PLG: variants seen among roughly 807,000 people sequenced by gnomAD.
The protein encoded by PLG is plasminogen.
Under a neutral mutation model 104.4 loss-of-function variants are expected in PLG, and 41 were observed. That is an observed-to-expected ratio of 0.39 (90% CI 0.31 to 0.51). The LOEUF is 0.51. Ranked by LOEUF, PLG falls within the 20% of genes least tolerant of loss-of-function variation. The probability of loss-of-function intolerance (pLI) is 0.76; values close to 1 mark genes in which losing one functional copy is unlikely to be tolerated. For missense variants in PLG, 891 were observed against 1,003.6 expected (o/e 0.89, Z 1.52); for synonymous variants, 337 against 357.1 (o/e 0.94, Z 0.63).
rs554946329 is a variant in PLG at position 160,713,079 on chromosome 6, T to G, written c.501T>G (p.Thr167=). 4 of 1,609,934 alleles carry G rather than the reference T, an allele frequency of 2.5e-6. No individual in the cohort carries two copies. The East Asian group carries it at 8.9e-5, about 36-fold the overall frequency. The part of the protein sequence containing the change: ...NDPQGPWCYT[T]DPEKRYDYCD... ...CGCAGGGGCCCTGGTGCTATACTAC[T>G]GATCCAGAAAAGAGATATGACTACT... Residue 167 remains threonine, a synonymous_variant, in exon 5 of 19, where the codon ACT becomes ACG. Coordinates refer to ENST00000308192, the MANE Select transcript of PLG (RefSeq NM_000301.5).
chr6:160,727,247 C>G (rs1030681160), intron 10 of PLG, among the ~76,000 whole-genome samples: 5 of 151,252 alleles, frequency 3.3e-5, no homozygotes, highest in African/African-American at 1.2e-4. Flanking sequence ...GAATTTCTAA[C>G]CAATCTGATA....
chr6:160,737,401 G>C lies in PLG; in HGVS notation c.1802+394G>C, dbSNP rs1778101616. Among the ~76,000 whole-genome samples, 1 of 152,082 alleles carries C rather than the reference G, an allele frequency of 6.6e-6. No individual in the cohort carries two copies. Among genetic ancestry groups the C allele is most frequent in the African/African-American group, 2.4e-5 (1 of 41,414 alleles). ...ACACTTTCTGGGTTGGGAGAGCAAG[G>C]ACAAAATTATCTCCAGTCTATCACA... On this transcript the variant is annotated intron_variant, in intron 14 of 18. Coordinates refer to ENST00000308192, the MANE Select transcript of PLG (RefSeq NM_000301.5). The surrounding 1 kb of genome is among the most constrained non-coding windows in gnomAD (Gnocchi z 4.7).
chr6:160,738,735 G>C lies in PLG; in HGVS notation c.1877+123G>C. On this transcript the variant is annotated intron_variant, in intron 15 of 18. Transcript: ENST00000308192. The surrounding 1 kb of genome is among the most constrained non-coding windows in gnomAD (Gnocchi z 6.8). Reference sequence around the variant, plus strand: ...TTCCTTCTCTGGCTGTGACACTAGGGACCAGGCCAGGGCAATTGGATAAGA... The same window carrying C: ...TTCCTTCTCTGGCTGTGACACTAGGCACCAGGCCAGGGCAATTGGATAAGA... 1 of 782,090 alleles carries C rather than the reference G, an allele frequency of 1.3e-6. No individual in the cohort carries two copies. Among genetic ancestry groups the C allele is most frequent in the Non-Finnish European group, 2.3e-6 (1 of 439,010 alleles). 48.4% of individuals were successfully genotyped at this position (782,090 alleles called of 1,614,324 possible).
chr6:160,737,028 G>A lies in PLG; in HGVS notation c.1802+21G>A, dbSNP rs745624889. 8.1e-6 allele frequency: 13 copies of A among 1,611,512 alleles called. No individual in the cohort carries two copies. Among genetic ancestry groups the A allele is most frequent in the South Asian group, 2.2e-5 (2 of 90,936 alleles). ...ACAAGGTAAGAACAGGCCCAGAAAC[G>A]ATTTATACTGTCCCTCCACGTAAGC... On this transcript the variant is annotated intron_variant, in intron 14 of 18. Coordinates refer to ENST00000308192, the MANE Select transcript of PLG (RefSeq NM_000301.5). The surrounding 1 kb of genome is among the most constrained non-coding windows in gnomAD (Gnocchi z 4.7).
chr6:160,739,164 C>T lies in PLG; in HGVS notation c.1974C>T (p.Phe658=). The T allele has an allele frequency of 6.2e-7, 1 of 1,614,174 alleles. No individual in the cohort carries two copies. Among genetic ancestry groups the T allele is most frequent in the Non-Finnish European group, 8.5e-7 (1 of 1,180,044 alleles). Residue 658 remains phenylalanine, a synonymous_variant, in exon 16 of 19, where the codon TTC becomes TTT. Transcript: ENST00000308192. The surrounding 1 kb of genome is among the most constrained non-coding windows in gnomAD (Gnocchi z 4.4). The stretch of plus-strand genomic sequence containing the variant: ...AGGAAATAGAAGTGTCTAGGCTGTT[C>T]TTGGAGCCCACACGAAAAGATATTG... ...HVQEIEVSRL[F]LEPTRKDIAL... is the part of the protein sequence containing the mutation.
chr6:160,733,638 G>A (rs1582945377), intron 12 of PLG, among the ~76,000 whole-genome samples: 4 of 152,114 alleles, frequency 2.6e-5, no homozygotes, highest in South Asian at 4.2e-4. Flanking sequence ...TCAGGAGTTC[G>A]AGACTAGCCT....
chr6:160,717,041 A>T (rs1287817016), intron 7 of PLG, among the ~76,000 whole-genome samples: 1 of 152,186 alleles, frequency 6.6e-6, no homozygotes, highest in Non-Finnish European at 1.5e-5. Context: ...GGTGTTGTTC[A>T]TCCTATTCTC....
At position 160,753,328 on chromosome 6, in the gene PLG, C is replaced by T. The variant is rs1373612846; in HGVS notation, c.*267C>T. On this transcript the variant is annotated 3_prime_UTR_variant, in exon 19 of 19. Transcript: ENST00000308192. This position sits in a 1 kb window ranked among gnomAD's most constrained non-coding sequence, Gnocchi z 5.4. ...TTTTGGTCTTCAACATTTTCATGCT[C>T]TTTGTTCACCCCACCAATTTTTAAA... The T allele has an allele frequency of 2.1e-6, 1 of 465,446 alleles. No individual in the cohort carries two copies. The highest frequency in any genetic ancestry group is 3.8e-6 in the Non-Finnish European group (1 of 260,546). The allele number at this position is 465,446 out of a possible 1,614,324, so 28.8% of individuals were successfully genotyped here. A position where few individuals can be genotyped will look rare whatever the true frequency, so the allele number is the denominator to read the frequency against.
intron 17 of PLG, among the ~76,000 whole-genome samples, chr6:160,751,478 G>A (rs763494750): frequency 6.6e-6 from 1 of 152,172 alleles, no homozygotes; most frequent in Non-Finnish European, 1.5e-5. Flanking sequence ...GGTAAATGAT[G>A]ACTATTCTTT....
rs1179474632 is a variant in PLG at position 160,731,751 on chromosome 6, T to C, written c.1445T>C (p.Met482Thr). ...CCATTTTTTCCCTGTACAGACTGTA[T>C]GTTTGGGAATGGGAAAGGATACCGA... is the stretch of plus-strand genomic sequence containing the variant. ...DVETPSEEDC[M>T]FGNGKGYRGK... Residue 482 changes from methionine (M) to threonine (T), a missense_variant, in exon 12 of 19, where the codon ATG becomes ACG. By Grantham distance (81) the Met-to-Thr change is moderately conservative (BLOSUM62 -1). Coordinates refer to ENST00000308192, the MANE Select transcript of PLG (RefSeq NM_000301.5). This position sits in a 1 kb window ranked among gnomAD's most constrained non-coding sequence, Gnocchi z 5.1. 7.4e-6 allele frequency: 12 copies of C among 1,613,634 alleles called. No homozygotes were observed. Among genetic ancestry groups the C allele is most frequent in the Admixed American group, 5.0e-5 (3 of 59,980 alleles).
intron 17 of PLG, among the ~76,000 whole-genome samples, chr6:160,748,304 G>GAGAA (rs1016064629): frequency 1.4e-5 from 2 of 143,964 alleles, no homozygotes; most frequent in Non-Finnish European, 3.0e-5. Context: ...GACTCTATGT[G>GAGAA]AGAAAGAAAG....
In PLG at chr6:160,731,952, T is replaced by C; in HGVS notation, c.1587+59T>C. The stretch of plus-strand genomic sequence containing the variant: ...TGCTCACCAATCTTTGCAAACAGAA[T>C]TGGTTCTGTGTTACAGAAAATCTGA... On this transcript the variant is annotated intron_variant, in intron 12 of 18. Transcript: ENST00000308192. This position sits in a 1 kb window ranked among gnomAD's most constrained non-coding sequence, Gnocchi z 5.1. The C allele has an allele frequency of 6.4e-7, 1 of 1,561,228 alleles. No homozygotes were observed. The highest frequency in any genetic ancestry group is 8.8e-7 in the Non-Finnish European group (1 of 1,133,016).
intron 2 of PLG, 180 bp downstream of exon 2, chr6:160,706,722 C>A: frequency 1.6e-6 from 1 of 644,534 alleles, no homozygotes. Flanking sequence ...TTATTGGAGT[C>A]TTTGTTAGAA....
rs1459166552 is a variant in PLG, at chr6:160,739,949, A to C, written c.2018+741A>C. Among the ~76,000 whole-genome samples the C allele has an allele frequency of 6.6e-6, 1 of 152,056 alleles. No individual in the cohort carries two copies. Among genetic ancestry groups the C allele is most frequent in the African/African-American group, 2.4e-5 (1 of 41,382 alleles). On this transcript the variant is annotated intron_variant, in intron 16 of 18. Transcript: ENST00000308192. The surrounding 1 kb of genome is among the most constrained non-coding windows in gnomAD (Gnocchi z 4.4). Reference sequence around the variant, plus strand: ...ACAAAGTGAAACATTTGCTTATGTCACTCATTTAGTGCTGTTTGGAGCCAG... The same window carrying C: ...ACAAAGTGAAACATTTGCTTATGTCCCTCATTTAGTGCTGTTTGGAGCCAG...
chr6:160,712,707 C>A (rs1229435189), intron 4 of PLG, among the ~76,000 whole-genome samples: 1 of 152,148 alleles, frequency 6.6e-6, no homozygotes, highest in Admixed American at 6.5e-5. Flanking sequence ...ACCATGGCAG[C>A]CTTTTGAGGC....
chr6:160,733,960 C>G (rs1420737425), intron 12 of PLG, 35 bp from the exon 13 acceptor site: 1 of 1,145,170 alleles, frequency 8.7e-7, no homozygotes, highest in South Asian at 1.2e-5. Flanking sequence ...TCCTGCCCCA[C>G]GTGAGCTGGA....
intron 17 of PLG, among the ~76,000 whole-genome samples, chr6:160,748,350 G>GAGAAAGAAAGAAAGAA (rs71542985): frequency 6.1e-5 from 3 of 49,404 alleles, no homozygotes; most frequent in Non-Finnish European, 8.1e-5. Flanking sequence ...AGAAAAGAAA[G>GAGAAAGAAAGAAAGAA]AGAAAGAAAG....
At position 160,743,317 on chromosome 6, in the gene PLG, G is replaced by A. The variant is rs148694272; in HGVS notation, c.2125+1900G>A. 9.3e-3 allele frequency among the ~76,000 whole-genome samples: 1,422 copies of A among 152,226 alleles called. 21 individuals are homozygous for A. The highest frequency in any genetic ancestry group is 0.033 in the African/African-American group (1,374 of 41,522). ...GCATGGGATGTTTTTCCATTCATTTGTGTCATCTCTGATTTCTTTGAGCAG... is the reference window on the plus strand; with the variant it reads ...GCATGGGATGTTTTTCCATTCATTTATGTCATCTCTGATTTCTTTGAGCAG... On this transcript the variant is annotated intron_variant, in intron 17 of 18. Transcript: ENST00000308192.
rs1778109614 is a variant in PLG, at chr6:160,737,666, C to G, written c.1802+659C>G. On this transcript the variant is annotated intron_variant, in intron 14 of 18. Transcript: ENST00000308192. The surrounding 1 kb of genome is among the most constrained non-coding windows in gnomAD (Gnocchi z 4.7). Reference sequence around the variant, plus strand: ...CATAGGAAACAGGCCCATCCGTCTGCCTGTTTTGCTTCCTCATCTCACTTC... The same window carrying G: ...CATAGGAAACAGGCCCATCCGTCTGGCTGTTTTGCTTCCTCATCTCACTTC... 6.6e-6 allele frequency among the ~76,000 whole-genome samples: 1 copy of G among 152,180 alleles called. No individual in the cohort carries two copies. Among genetic ancestry groups the G allele is most frequent in the Non-Finnish European group, 1.5e-5 (1 of 68,038 alleles).
Sources: allele counts gnomAD v4.1 joint callset (sites outside exome capture counted in the v4.1 genomes callset), GRCh38; gene constraint gnomAD v4.1.1; non-coding constraint Gnocchi (gnomAD v3.1); transcripts MANE v1.5; gene names NCBI Gene and HGNC (gene_info 2026-07-23, HGNC 2026-07-21).